LYPLA1: variants seen among roughly 807,000 people sequenced by gnomAD.
The protein encoded by LYPLA1 is acyl-protein thioesterase 1.
In LYPLA1, 17 loss-of-function variants were observed where a neutral mutation model predicts 34.0. The ratio of observed to expected loss-of-function variants is 0.50; its 90% CI spans 0.34 to 0.75. The LOEUF (loss-of-function observed/expected upper bound fraction) is 0.75. LYPLA1 is among the 30% of genes least tolerant of loss of function. The pLI, the probability that LYPLA1 is intolerant of heterozygous loss-of-function variation, is 0.01. For missense variants in LYPLA1, 203 were observed against 288.8 expected (o/e 0.70, Z 2.15); for synonymous variants, 98 against 100.8 (o/e 0.97, Z 0.17).
chr8:54,087,249 A>C (rs1301945028), intron 2 of LYPLA1, among the ~76,000 whole-genome samples: 7 of 152,264 alleles, frequency 4.6e-5, no homozygotes, highest in African/African-American at 1.7e-4. Context: ...AATGAACAAT[A>C]TAAAAATGTA....
chr8:54,061,377 G>A (rs554027016), intron 5 of LYPLA1, among the ~76,000 whole-genome samples: 15 of 152,246 alleles, frequency 9.9e-5, no homozygotes, highest in African/African-American at 2.9e-4. Flanking sequence ...CACCACGCCC[G>A]GCCGGCCAAA....
chr8:54,069,713 TAA>T (rs74504176), intron 2 of LYPLA1, among the ~76,000 whole-genome samples: 11 of 140,162 alleles, frequency 7.8e-5, no homozygotes, highest in Non-Finnish European at 1.2e-4. Flanking sequence ...CTGTCTCGTT[TAA>T]AAAAAAAAAA....
intron 5 of LYPLA1, among the ~76,000 whole-genome samples, chr8:54,061,957 G>C (rs902363944): frequency 3.9e-5 from 6 of 152,148 alleles, no homozygotes; most frequent in Non-Finnish European, 8.8e-5. Flanking sequence ...CCAGGTTCAA[G>C]CAACTATCCT....
At chr8:54,085,314 G>C (rs2129355460) in intron 2 of LYPLA1, among the ~76,000 whole-genome samples, 1 of 152,312 alleles carries the variant, frequency 6.6e-6, no homozygotes, top group Non-Finnish European at 1.5e-5. Context: ...CTGGAGTGCA[G>C]TGGCGTGATC....
chr8:54,092,315 A>G (rs550738089), intron 2 of LYPLA1, among the ~76,000 whole-genome samples: 24 of 151,322 alleles, frequency 1.6e-4, no homozygotes, highest in African/African-American at 5.1e-4. Flanking sequence ...GTGGAGGAGG[A>G]GGAGAAGGAG....
intron 1 of LYPLA1, chr8:54,101,550 G>A (rs763847528): frequency 3.5e-6 from 4 of 1,147,214 alleles, no homozygotes; most frequent in African/African-American, 1.6e-5. Flanking sequence ...AGGAGCTGGG[G>A]ACTGGCCCTC....
chr8:54,051,399 T>A (rs16919753), intron 7 of LYPLA1, among the ~76,000 whole-genome samples: 5,850 of 152,274 alleles, frequency 0.038, 380 homozygotes, highest in African/African-American at 0.13. Context: ...ATAATATATA[T>A]CTTCCCAGTG....
chr8:54,100,066 T>C (rs1411450731), intron 2 of LYPLA1, among the ~76,000 whole-genome samples: 1 of 152,230 alleles, frequency 6.6e-6, no homozygotes, highest in Non-Finnish European at 1.5e-5. Context: ...CCTCTATTTC[T>C]GCAATTTTTC....
chr8:54,069,030 A>G lies in LYPLA1; in HGVS notation c.102-3217T>C, dbSNP rs773597157. Among the ~76,000 whole-genome samples, 8 of 152,342 alleles carry G rather than the reference A, an allele frequency of 5.3e-5. No individual in the cohort carries two copies. In the East Asian group the frequency reaches 1.3e-3, roughly 26 times the overall value. ...TTGATGAGATGTTTGTCCAAAGAAGATATACAAATGGCCAAAAAGCACAGG... is the reference window on the plus strand; with the variant it reads ...TTGATGAGATGTTTGTCCAAAGAAGGTATACAAATGGCCAAAAAGCACAGG... On this transcript the variant is annotated intron_variant, in intron 2 of 8. Transcript: ENST00000316963.
intron 6 of LYPLA1, 199 bp downstream of exon 6, chr8:54,054,861 T>G: frequency 2.1e-6 from 1 of 479,380 alleles, no homozygotes; most frequent in Non-Finnish European, 3.7e-6. Context: ...TTTAATTACA[T>G]GTGTACATGT....
chr8:54,086,306 T>A (rs938567095), intron 2 of LYPLA1, among the ~76,000 whole-genome samples: 2 of 151,634 alleles, frequency 1.3e-5, no homozygotes, highest in African/African-American at 4.8e-5. Context: ...GGCAGGGCCC[T>A]CTGCCTAGGA....
At chr8:54,064,806 A>G (rs1352663686) in intron 3 of LYPLA1, among the ~76,000 whole-genome samples, 1 of 152,188 alleles carries the variant, frequency 6.6e-6, no homozygotes, top group East Asian at 1.9e-4. Flanking sequence ...GGCCACACAT[A>G]AAAATACATT....
At chr8:54,085,664 G>A (rs982138687) in intron 2 of LYPLA1, among the ~76,000 whole-genome samples, 16 of 149,472 alleles carry the variant, frequency 1.1e-4, no homozygotes, top group East Asian at 2.0e-4. Flanking sequence ...TCTCTGCCCC[G>A]CCGTCACCCC....
intron 5 of LYPLA1, among the ~76,000 whole-genome samples, chr8:54,059,651 G>A (rs1191985367): frequency 6.6e-6 from 1 of 152,222 alleles, no homozygotes; most frequent in Non-Finnish European, 1.5e-5. Context: ...AAACAAAAGG[G>A]CTGCGCTCAG....
chr8:54,065,353 G>C (rs2129335330), intron 3 of LYPLA1, among the ~76,000 whole-genome samples: 1 of 152,076 alleles, frequency 6.6e-6, no homozygotes, highest in African/African-American at 2.4e-5. Flanking sequence ...AGCTACTCTG[G>C]AGGCTGAGGC....
chr8:54,057,952 AAAAT>A (rs1490356212), intron 5 of LYPLA1, among the ~76,000 whole-genome samples: 1 of 152,224 alleles, frequency 6.6e-6, no homozygotes, highest in African/African-American at 2.4e-5. Context: ...ACAAAAATTG[AAAAT>A]AAAAAAATAA....
At chr8:54,054,992 G>T in intron 6 of LYPLA1, 68 bp downstream of exon 6, 2 of 920,788 alleles carry the variant, frequency 2.2e-6, no homozygotes, top group South Asian at 1.4e-5. Context: ...TCTATAGAAA[G>T]GATTAATGCA....
chr8:54,089,676 T>G (rs913902556), intron 2 of LYPLA1, among the ~76,000 whole-genome samples: 3 of 151,744 alleles, frequency 2.0e-5, no homozygotes, highest in African/African-American at 7.3e-5. Context: ...AAGCTGGAAG[T>G]GCAGTGGCAT....
chr8:54,084,137 A>ATATATAT (rs1563642470), intron 2 of LYPLA1, among the ~76,000 whole-genome samples: 93 of 120,050 alleles, frequency 7.7e-4, no homozygotes, highest in African/African-American at 4.0e-3. Flanking sequence ...AAAAAAAATA[A>ATATATAT]ATAAATATAT....
Sources: allele counts gnomAD v4.1 joint callset (sites outside exome capture counted in the v4.1 genomes callset), GRCh38; gene constraint gnomAD v4.1.1; transcripts MANE v1.5; gene names NCBI Gene and HGNC (gene_info 2026-07-23, HGNC 2026-07-21).